The following COBLL1 variants were observed in gnomAD, a reference collection of about 807,000 sequenced individuals.
COBLL1 encodes cordon-bleu protein-like 1.
A neutral mutation model predicts 94.8 loss-of-function variants in COBLL1; 50 were observed. That is an observed-to-expected ratio of 0.53 (90% confidence interval 0.42 to 0.67). The LOEUF (loss-of-function observed/expected upper bound fraction) is 0.67, where lower values mean the gene tolerates loss of function less well. COBLL1 is among the 30% of genes least tolerant of loss of function. COBLL1 has a pLI of 0.00. For synonymous variants in COBLL1, 448 were observed against 473.8 expected, an observed-to-expected ratio of 0.95 and a Z score of 0.71; for missense variants, 1,362 against 1,348.7, an observed-to-expected ratio of 1.01 and a Z score of -0.15.
At chr2:164,819,574 T>C (rs1685055665) in intron 2 of COBLL1, among the ~76,000 whole-genome samples, 1 of 152,050 alleles carries the variant, frequency 6.6e-6, no homozygotes, top group Non-Finnish European at 1.5e-5. Context: ...CAATGAAAGC[T>C]CAGAGATGTC....
At chr2:164,752,422 T>C (rs192184652) in intron 2 of COBLL1, among the ~76,000 whole-genome samples, 1 of 95,416 alleles carries the variant, frequency 1.0e-5, no homozygotes, top group Non-Finnish European at 2.3e-5. Context: ...TTCATCAAAA[T>C]AAACAAAAAC....
intron 2 of COBLL1, among the ~76,000 whole-genome samples, chr2:164,762,766 G>T (rs1037655291): frequency 1.4e-5 from 2 of 143,892 alleles, no homozygotes. Flanking sequence ...GTGCGATCTC[G>T]ACTCACTGCA....
intron 2 of COBLL1, among the ~76,000 whole-genome samples, chr2:164,759,819 A>T (rs72880658): frequency 0.016 from 2,435 of 152,348 alleles, 28 homozygotes; most frequent in South Asian, 0.027. Flanking sequence ...TAACAACATT[A>T]TCTATTAGGA....
intron 3 of COBLL1, among the ~76,000 whole-genome samples, chr2:164,742,651 CAG>C (rs1490504349): frequency 6.6e-6 from 1 of 152,088 alleles, no homozygotes; most frequent in Non-Finnish European, 1.5e-5. Context: ...CAAATTTAAT[CAG>C]AGTTAAATAA....
intron 2 of COBLL1, among the ~76,000 whole-genome samples, chr2:164,815,959 C>T (rs1201219933): frequency 1.3e-5 from 2 of 151,928 alleles, no homozygotes; most frequent in African/African-American, 4.8e-5. Context: ...TTTTTGAAAA[C>T]CCAGTAGGGA....
chr2:164,721,521 T>A (rs1685439935), intron 7 of COBLL1, among the ~76,000 whole-genome samples: 1 of 152,166 alleles, frequency 6.6e-6, no homozygotes, highest in Non-Finnish European at 1.5e-5. Flanking sequence ...GCTTTGAAGA[T>A]AAGGGTGCAT....
chr2:164,820,701 G>C (rs1239570850), intron 2 of COBLL1, among the ~76,000 whole-genome samples: 1 of 152,174 alleles, frequency 6.6e-6, no homozygotes, highest in African/African-American at 2.4e-5. Context: ...GCACACTCTA[G>C]TGGGCTACCC....
At position 164,664,305 on chromosome 2, in the gene COBLL1, G is replaced by A. The variant is rs549220740; in HGVS notation, n.181+1542C>T. ...CCATGGTGTTACATTACCATTTGGA[G>A]AGCCATAATTTTCTTTCCTAATAGC... On this transcript the variant is annotated intron_variant and non_coding_transcript_variant, in intron 2 of 2. Transcript: ENST00000495084. Among the ~76,000 whole-genome samples, 3 of 152,306 alleles carry A rather than the reference G, an allele frequency of 2.0e-5. No individual in the cohort carries two copies. The East Asian group carries it at 5.8e-4, about 29-fold the overall frequency.
At chr2:164,692,960 G>A (rs1478888339) in intron 12 of COBLL1, among the ~76,000 whole-genome samples, 1 of 152,004 alleles carries the variant, frequency 6.6e-6, no homozygotes, top group Non-Finnish European at 1.5e-5. Context: ...TTTATTTTTT[G>A]CCATGAGAAT....
At chr2:164,748,275 A>G (rs1291762719) in intron 2 of COBLL1, among the ~76,000 whole-genome samples, 3 of 152,202 alleles carry the variant, frequency 2.0e-5, no homozygotes, top group African/African-American at 7.2e-5. Flanking sequence ...TAGCTTTAAG[A>G]CTTTAACTTA....
rs565789530 is a variant in COBLL1 at position 164,791,605 on chromosome 2, C to T, written c.42-47730G>A. Among the ~76,000 whole-genome samples, 5 of 152,242 alleles carry T rather than the reference C, an allele frequency of 3.3e-5. No individual in the cohort carries two copies. In the South Asian group the frequency reaches 8.3e-4, roughly 25 times the overall value. ...TGCGTGCCTGCCTGAATTACAGAGG[C>T]GAAAATCCTAAATACTTCTCTTCTC... On this transcript the variant is annotated intron_variant, in intron 2 of 13. Transcript: ENST00000652658.
chr2:164,788,481 T>C (rs907182669), intron 2 of COBLL1, among the ~76,000 whole-genome samples: 3 of 152,162 alleles, frequency 2.0e-5, no homozygotes, highest in Non-Finnish European at 4.4e-5. Flanking sequence ...CACTGGGTTA[T>C]CAAGGCCCAC....
chr2:164,670,881 G>T (rs1276689235), intron 1 of COBLL1, among the ~76,000 whole-genome samples: 1 of 152,208 alleles, frequency 6.6e-6, no homozygotes, highest in East Asian at 1.9e-4. Flanking sequence ...AAGCAATGGT[G>T]GCAGATCAGA....
intron 1 of COBLL1, among the ~76,000 whole-genome samples, chr2:164,674,610 A>G (rs569783536): frequency 5.9e-5 from 9 of 152,300 alleles, no homozygotes; most frequent in Non-Finnish European, 1.0e-4. Flanking sequence ...AGATGAAGAT[A>G]TGGTAAGGGC....
intron 12 of COBLL1, chr2:164,692,604 A>G: frequency 2.2e-6 from 1 of 446,812 alleles, no homozygotes; most frequent in East Asian, 3.8e-5. Flanking sequence ...TCTTGAACTC[A>G]GGAAGCCAAA....
In COBLL1 at chr2:164,682,026, T is replaced by C. The variant is rs970522820; in HGVS notation, c.*3920A>G. On this transcript the variant is annotated 3_prime_UTR_variant, in exon 14 of 14. Transcript: ENST00000652658. ...ATTCAGAACAAATAACTTCCTATTC[T>C]GGTATCCCTTGAAATCTAGCACCAG... is the stretch of plus-strand genomic sequence containing the variant. 3 of 152,206 alleles carry C rather than the reference T, an allele frequency of 2.0e-5. No individual in the cohort carries two copies. Among genetic ancestry groups the C allele is most frequent in the Non-Finnish European group, 4.4e-5 (3 of 68,026 alleles). The allele number at this position is 152,206 out of a possible 1,614,324, so 9.4% of individuals were successfully genotyped here.
intron 2 of COBLL1, among the ~76,000 whole-genome samples, chr2:164,833,082 G>A (rs895074423): frequency 1.3e-5 from 2 of 151,488 alleles, no homozygotes; most frequent in African/African-American, 2.4e-5. Context: ...CTACAAACCC[G>A]GCACGGTGGC....
intron 2 of COBLL1, among the ~76,000 whole-genome samples, chr2:164,783,416 G>A (rs550513036): frequency 2.4e-4 from 31 of 129,618 alleles, no homozygotes; most frequent in Admixed American, 5.1e-4. Context: ...ACCCTGTTGA[G>A]AAGAAGAGAA....
At chr2:164,669,057 T>C (rs1055325876) in intron 1 of COBLL1, among the ~76,000 whole-genome samples, 2 of 152,210 alleles carry the variant, frequency 1.3e-5, no homozygotes, top group East Asian at 3.8e-4. Flanking sequence ...AACATAGTTT[T>C]CCCCCCAAAA....
Sources: allele counts gnomAD v4.1 joint callset (sites outside exome capture counted in the v4.1 genomes callset), GRCh38; gene constraint gnomAD v4.1.1; transcripts MANE v1.5; gene names NCBI Gene and HGNC (gene_info 2026-07-23, HGNC 2026-07-21).